Variants in CFAP299 observed in about 807,000 individuals in gnomAD.
The protein encoded by CFAP299 is cilia- and flagella-associated protein 299.
A neutral mutation model predicts 27.0 loss-of-function variants in CFAP299; 21 were observed. The ratio of observed to expected loss-of-function variants is 0.78; its 90% CI spans 0.55 to 1.12. CFAP299 has a LOEUF of 1.12. Ranked by LOEUF, CFAP299 falls within the 50% of genes most tolerant of loss-of-function variation. The pLI, the probability that CFAP299 is intolerant of heterozygous loss-of-function variation, is 0.00. For missense variants in CFAP299, 310 were observed against 276.6 expected, an observed-to-expected ratio of 1.12 and a Z score of -0.86; for synonymous variants, 104 against 98.1, an observed-to-expected ratio of 1.06 and a Z score of -0.36.
At chr4:80,845,158 C>G (rs1328699226) in intron 3 of CFAP299, among the ~76,000 whole-genome samples, 5 of 152,048 alleles carry the variant, frequency 3.3e-5, no homozygotes, top group Admixed American at 2.6e-4. Context: ...GTTACTGTAG[C>G]CTTGTAGTAT....
intron 5 of CFAP299, among the ~76,000 whole-genome samples, chr4:80,945,957 C>T (rs554875163): frequency 6.5e-4 from 99 of 151,986 alleles, no homozygotes; most frequent in Middle Eastern, 3.4e-3. Flanking sequence ...AGTTTGAGAC[C>T]AGCCTGGCAA....
chr4:80,608,506 G>C, intron 3 of CFAP299: 1 of 550,258 alleles, frequency 1.8e-6, no homozygotes, highest in Non-Finnish European at 3.2e-6. Flanking sequence ...CCAGCTTGAT[G>C]AATGACAGTC....
chr4:80,709,935 C>A (rs989469747), intron 3 of CFAP299, among the ~76,000 whole-genome samples: 1 of 152,106 alleles, frequency 6.6e-6, no homozygotes, highest in Non-Finnish European at 1.5e-5. Context: ...AATGTAATAG[C>A]TAAGAGCATT....
intron 4 of CFAP299, among the ~76,000 whole-genome samples, chr4:80,915,511 T>C (rs1455686979): frequency 6.6e-6 from 1 of 152,094 alleles, no homozygotes. Flanking sequence ...TTGGTTTTTA[T>C]TGAGCTTCTA....
chr4:80,411,543 C>CTTAT (rs199762365), intron 2 of CFAP299, among the ~76,000 whole-genome samples: 50 of 151,762 alleles, frequency 3.3e-4, no homozygotes, highest in African/African-American at 1.2e-3. Flanking sequence ...AAAATTGTAC[C>CTTAT]TTATTTATTT....
intron 2 of CFAP299, among the ~76,000 whole-genome samples, chr4:80,535,864 G>A (rs1733715968): frequency 6.6e-6 from 1 of 152,092 alleles, no homozygotes; most frequent in Non-Finnish European, 1.5e-5. Context: ...ATCCTCAGTT[G>A]GCCACCTCTA....
At chr4:80,724,683 C>G (rs920367996) in intron 3 of CFAP299, among the ~76,000 whole-genome samples, 2 of 151,982 alleles carry the variant, frequency 1.3e-5, no homozygotes, top group Non-Finnish European at 2.9e-5. Context: ...CCTGCACCCT[C>G]GGAAAGTCAC....
At chr4:80,410,704 T>TGGTGGTG (rs1578413147) in intron 2 of CFAP299, among the ~76,000 whole-genome samples, 1 of 152,208 alleles carries the variant, frequency 6.6e-6, no homozygotes, top group East Asian at 1.9e-4. Flanking sequence ...AGATGAAGCA[T>TGGTGGTG]TGCATTAATT....
At chr4:80,749,806 G>A (rs375938339) in intron 3 of CFAP299, among the ~76,000 whole-genome samples, 4 of 152,132 alleles carry the variant, frequency 2.6e-5, no homozygotes, top group African/African-American at 4.8e-5. Context: ...TAGTGCCTAC[G>A]CAGATTGAGA....
chr4:80,930,534 A>T (rs1413291249), intron 4 of CFAP299, among the ~76,000 whole-genome samples: 1 of 152,140 alleles, frequency 6.6e-6, no homozygotes, highest in Non-Finnish European at 1.5e-5. Flanking sequence ...CACTATCTCC[A>T]GGTAGATAGT....
chr4:80,379,406 G>C (rs1010261727), intron 2 of CFAP299, among the ~76,000 whole-genome samples: 1 of 151,582 alleles, frequency 6.6e-6, no homozygotes, highest in Non-Finnish European at 1.5e-5. Context: ...ATTGATTTCT[G>C]CTCTTATTTT....
intron 3 of CFAP299, among the ~76,000 whole-genome samples, chr4:80,686,345 T>A (rs112792890): frequency 1.4e-4 from 22 of 152,242 alleles, no homozygotes; most frequent in Non-Finnish European, 2.6e-4. Context: ...GGGAGGAGCC[T>A]TTGGCTCAGA....
At chr4:80,629,552 C>G (rs1218109472) in intron 3 of CFAP299, among the ~76,000 whole-genome samples, 4 of 152,048 alleles carry the variant, frequency 2.6e-5, no homozygotes, top group Non-Finnish European at 5.9e-5. Context: ...ATACTGTTCT[C>G]TACACAATAA....
chr4:80,841,528 A>G (rs1234901735), intron 3 of CFAP299, among the ~76,000 whole-genome samples: 1 of 152,170 alleles, frequency 6.6e-6, no homozygotes, highest in Non-Finnish European at 1.5e-5. Flanking sequence ...TAGTATTTTT[A>G]GAAACCAAAT....
At chr4:80,726,255 T>G (rs1415296674) in intron 3 of CFAP299, among the ~76,000 whole-genome samples, 2 of 152,152 alleles carry the variant, frequency 1.3e-5, no homozygotes, top group Admixed American at 6.5e-5. Flanking sequence ...TTAAACTTTT[T>G]CTCTATGACA....
intron 1 of CFAP299, among the ~76,000 whole-genome samples, chr4:80,342,918 A>G (rs1022631729): frequency 6.6e-6 from 1 of 152,234 alleles, no homozygotes; most frequent in African/African-American, 2.4e-5. Flanking sequence ...GCTATGCTGT[A>G]TTCAAGAGAC....
At chr4:80,788,723 A>G (rs1440604833) in intron 3 of CFAP299, among the ~76,000 whole-genome samples, 1 of 151,932 alleles carries the variant, frequency 6.6e-6, no homozygotes, top group African/African-American at 2.4e-5. Flanking sequence ...TATACTGGCC[A>G]GCTTCTCTGG....
chr4:80,957,202 T>C (rs1434840382), intron 5 of CFAP299, among the ~76,000 whole-genome samples: 1 of 152,186 alleles, frequency 6.6e-6, no homozygotes, highest in East Asian at 1.9e-4. Context: ...GTTTTACCCA[T>C]ATTTTATACT....
intron 3 of CFAP299, among the ~76,000 whole-genome samples, chr4:80,676,691 G>A (rs925519447): frequency 6.6e-6 from 1 of 152,028 alleles, no homozygotes; most frequent in South Asian, 2.1e-4. Flanking sequence ...TAGGTTTTAT[G>A]TGTCCAGGAA....
Sources: gnomAD v4.1 joint callset for allele counts (sites outside exome capture counted in the v4.1 genomes callset) on GRCh38, gnomAD v4.1.1 for gene constraint, MANE v1.5 for transcripts, NCBI Gene and HGNC (gene_info 2026-07-23, HGNC 2026-07-21) for gene names.